Variants in HP1BP3 observed in about 807,000 individuals in gnomAD.
The protein encoded by HP1BP3 is heterochromatin protein 1-binding protein 3.
A neutral mutation model predicts 62.5 loss-of-function variants in HP1BP3; 12 were observed. The ratio of observed to expected loss-of-function variants is 0.19; its 90% CI spans 0.12 to 0.31. The LOEUF (loss-of-function observed/expected upper bound fraction) is 0.31. HP1BP3 is among the 10% of genes least tolerant of loss of function. HP1BP3 has a pLI of 1.00. For synonymous variants in HP1BP3, 260 were observed against 237.8 expected, an observed-to-expected ratio of 1.09 and a Z score of -0.86; for missense variants, 502 against 651.8, an observed-to-expected ratio of 0.77 and a Z score of 2.50.
At chr1:20,783,460 A>G (rs2057666274) in intron 1 of HP1BP3, among the ~76,000 whole-genome samples, 1 of 152,162 alleles carries the variant, frequency 6.6e-6, no homozygotes, top group Admixed American at 6.5e-5. Context: ...CGGAGGTTGC[A>G]GTGACCTGAG....
chr1:20,778,199 GT>G (rs2057387175), intron 3 of HP1BP3, among the ~76,000 whole-genome samples: 1 of 152,150 alleles, frequency 6.6e-6, no homozygotes, highest in Non-Finnish European at 1.5e-5. Context: ...CTGCTCAAGA[GT>G]TATGGCTTAA....
intron 5 of HP1BP3, among the ~76,000 whole-genome samples, chr1:20,772,097 AAATC>A (rs2057086460): frequency 6.6e-6 from 1 of 152,230 alleles, no homozygotes; most frequent in Non-Finnish European, 1.5e-5. Context: ...AGAGCAAAGA[AAATC>A]AAGCAGAAAA....
chr1:20,745,192 T>C, intron 12 of HP1BP3, 101 bp from the exon 13 acceptor site: 1 of 1,315,106 alleles, frequency 7.6e-7, no homozygotes, highest in Non-Finnish European at 1.0e-6. Flanking sequence ...TATGAAGTGG[T>C]CACTTACGTT....
rs991740542 is a variant in HP1BP3, at chr1:20,742,244, A to G, written c.*2553T>C. ...TACAGAATTCTGAGCACAGGTACCTAACATCCATACTATTAAGAATCATTA... is the reference window on the plus strand; with the variant it reads ...TACAGAATTCTGAGCACAGGTACCTGACATCCATACTATTAAGAATCATTA... On this transcript the variant is annotated 3_prime_UTR_variant, in exon 13 of 13. Coordinates refer to ENST00000438032, the MANE Select transcript of HP1BP3 (RefSeq NM_001372052.1). 6.6e-6 allele frequency among the ~76,000 whole-genome samples: 1 copy of G among 152,230 alleles called. No homozygotes were observed. Among genetic ancestry groups the G allele is most frequent in the Non-Finnish European group, 1.5e-5 (1 of 68,038 alleles).
chr1:20,759,403 CCAAA>C (rs1237285756), intron 8 of HP1BP3, among the ~76,000 whole-genome samples: 1 of 151,742 alleles, frequency 6.6e-6, no homozygotes, highest in Non-Finnish European at 1.5e-5. Context: ...AACTCTGTCT[CCAAA>C]CAAAAAAAAG....
intron 4 of HP1BP3, chr1:20,774,361 C>CACAA (rs1553163582): frequency 6.6e-6 from 1 of 151,684 alleles, no homozygotes; most frequent in African/African-American, 2.4e-5. Context: ...CACACACACA[C>CACAA]AAACACACCC....
chr1:20,745,888 T>C (rs1272429912), intron 11 of HP1BP3, among the ~76,000 whole-genome samples: 2 of 152,172 alleles, frequency 1.3e-5, no homozygotes. Flanking sequence ...CACTATTTAA[T>C]AAAATTAATC....
chr1:20,767,199 C>A (rs2056828613), intron 7 of HP1BP3, among the ~76,000 whole-genome samples: 1 of 151,964 alleles, frequency 6.6e-6, no homozygotes, highest in South Asian at 2.1e-4. Context: ...GCCTGTAATC[C>A]CAGCTACTCA....
intron 11 of HP1BP3, 65 bp from the exon 12 acceptor site, chr1:20,745,721 T>G: frequency 6.5e-7 from 1 of 1,541,852 alleles, no homozygotes; most frequent in Non-Finnish European, 8.9e-7. Flanking sequence ...AATGTGAACC[T>G]AGATGCTCTT....
rs765623644 is a variant in HP1BP3 at position 20,742,202 on chromosome 1, T to A, written c.*2595A>T. 1.3e-5 allele frequency among the ~76,000 whole-genome samples: 2 copies of A among 152,186 alleles called. No homozygotes were observed. The highest frequency in any genetic ancestry group is 2.4e-5 in the African/African-American group (1 of 41,434). ...AAGAAACCAACCAAAATCTCCCAAC[T>A]TTTGATTCCAGAAGAGTACAGAATT... On this transcript the variant is annotated 3_prime_UTR_variant, in exon 13 of 13. Transcript: ENST00000438032.
chr1:20,782,908 GAAAAAA>G (rs1056907677), intron 1 of HP1BP3, among the ~76,000 whole-genome samples: 5 of 119,914 alleles, frequency 4.2e-5, no homozygotes, highest in African/African-American at 1.2e-4. Flanking sequence ...TCAAAAAAAA[GAAAAAA>G]AAAAAAAAAA....
At chr1:20,768,827 C>CA (rs929435126) in intron 6 of HP1BP3, among the ~76,000 whole-genome samples, 12 of 150,554 alleles carry the variant, frequency 8.0e-5, no homozygotes, top group Admixed American at 7.3e-4. Context: ...GACTCCATCT[C>CA]AAAAAAAAAG....
intron 1 of HP1BP3, among the ~76,000 whole-genome samples, chr1:20,781,211 CT>C (rs2057529675): frequency 1.3e-5 from 2 of 152,114 alleles, no homozygotes; most frequent in African/African-American, 4.8e-5. Flanking sequence ...CTAACACCCC[CT>C]CTTCCCCAAA....
chr1:20,776,628 C>G lies in HP1BP3; in HGVS notation c.319G>C (p.Glu107Gln). 1 of 1,613,372 alleles carries G rather than the reference C, an allele frequency of 6.2e-7. No homozygotes were observed. Among genetic ancestry groups the G allele is most frequent in the African/African-American group, 1.3e-5 (1 of 74,988 alleles). ...TTGGTTTCCTCAGAAGACTTATTTT[C>G]TTCCTTCTCTTCATTCTCAGGTTCC... is the stretch of plus-strand genomic sequence containing the variant. ...KGEPENEEKE[E>Q]NKSSEETKKD... Residue 107 changes from glutamate to glutamine, a missense_variant, in exon 4 of 13, where the codon GAA becomes CAA. Coordinates refer to ENST00000438032, the MANE Select transcript of HP1BP3 (RefSeq NM_001372052.1).
chr1:20,749,655 G>C, intron 10 of HP1BP3, 68 bp downstream of exon 10: 1 of 1,449,788 alleles, frequency 6.9e-7, no homozygotes, highest in Admixed American at 1.9e-5. Context: ...CACAGTGCCT[G>C]GCCCTCCACG....
chr1:20,774,185 C>G (rs546070483), intron 4 of HP1BP3: 1 of 152,280 alleles, frequency 6.6e-6, no homozygotes, highest in East Asian at 1.9e-4. Context: ...CTCTGTGCAC[C>G]TAATAGGTGC....
At chr1:20,756,242 T>C (rs889241478) in intron 9 of HP1BP3, among the ~76,000 whole-genome samples, 27 of 152,232 alleles carry the variant, frequency 1.8e-4, no homozygotes, top group African/African-American at 6.0e-4. Context: ...CTCAAAGTTA[T>C]CTTAAAATAT....
At chr1:20,786,917 A>C (rs1338863989) in intron 1 of HP1BP3, among the ~76,000 whole-genome samples, 1 of 151,824 alleles carries the variant, frequency 6.6e-6, no homozygotes, top group Non-Finnish European at 1.5e-5. Flanking sequence ...TCCTCCCCCA[A>C]ATCCAAACAA....
chr1:20,785,541 T>C (rs941648616), intron 1 of HP1BP3, among the ~76,000 whole-genome samples: 4 of 152,234 alleles, frequency 2.6e-5, no homozygotes, highest in Non-Finnish European at 5.9e-5. Context: ...CTGACACCAC[T>C]TGTTTTTCAT....
Sources: allele counts gnomAD v4.1 joint callset (sites outside exome capture counted in the v4.1 genomes callset), GRCh38; gene constraint gnomAD v4.1.1; transcripts MANE v1.5; gene names NCBI Gene and HGNC (gene_info 2026-07-23, HGNC 2026-07-21).